The following TEK variants were observed in gnomAD, a reference collection of about 807,000 sequenced individuals.
TEK encodes the protein TEK receptor tyrosine kinase.
Under a neutral mutation model 131.8 loss-of-function variants are expected in TEK, and 43 were observed. The observed-to-expected ratio is 0.33, with a 90% CI of 0.26 to 0.42. TEK has a LOEUF of 0.42. Ranked by LOEUF, TEK falls within the 10% of genes least tolerant of loss-of-function variation. The pLI, the probability that TEK is intolerant of heterozygous loss-of-function variation, is 1.00. For missense variants in TEK, 1,162 were observed against 1,384.4 expected, an observed-to-expected ratio of 0.84 and a Z score of 2.55; for synonymous variants, 580 against 491.6, an observed-to-expected ratio of 1.18 and a Z score of -2.38.
intron 1 of TEK, among the ~76,000 whole-genome samples, chr9:27,128,016 A>G (rs1026837521): frequency 1.3e-5 from 2 of 152,162 alleles, no homozygotes; most frequent in African/African-American, 2.4e-5. Context: ...TTCTGTTGCG[A>G]TTGCTTTTGG....
rs753638156 is a variant in TEK, at chr9:27,209,102, C to T, written c.2576-19C>T. On this transcript the variant is annotated intron_variant, in intron 15 of 22. Transcript: ENST00000380036. The stretch of plus-strand genomic sequence containing the variant: ...AAGGTGTAACAAAGAAGAATCACAA[C>T]CCTTGACTTTCTTCCCAGAATATGC... 1 of 1,568,966 alleles carries T rather than the reference C, an allele frequency of 6.4e-7. No individual in the cohort carries two copies. Among genetic ancestry groups the T allele is most frequent in the South Asian group, 1.1e-5 (1 of 90,222 alleles).
At chr9:27,206,554 C>T (rs768204359) in intron 14 of TEK, 28 bp from the exon 15 acceptor site, 9 of 1,602,878 alleles carry the variant, frequency 5.6e-6, no homozygotes, top group Non-Finnish European at 7.7e-6. Flanking sequence ...AATCCTGACA[C>T]AAAATGATGA....
intron 1 of TEK, among the ~76,000 whole-genome samples, chr9:27,135,094 G>C (rs1177599300): frequency 8.2e-6 from 1 of 122,626 alleles, no homozygotes; most frequent in Non-Finnish European, 1.8e-5. Context: ...GCATGGTGGT[G>C]CATGCCTGTA....
chr9:27,170,703 G>A (rs1381320238), intron 4 of TEK, among the ~76,000 whole-genome samples: 1 of 152,112 alleles, frequency 6.6e-6, no homozygotes, highest in Non-Finnish European at 1.5e-5. Flanking sequence ...TAAGGGAGTG[G>A]GCTTTCTCTC....
chr9:27,133,323 A>G (rs17694761), intron 1 of TEK, among the ~76,000 whole-genome samples: 56,966 of 152,052 alleles, frequency 0.37, 11,435 homozygotes, highest in African/African-American at 0.43. Flanking sequence ...GGAAAGGTCT[A>G]AGAATTTCTG....
intron 18 of TEK, among the ~76,000 whole-genome samples, chr9:27,214,133 T>C (rs772037073): frequency 4.7e-5 from 7 of 150,530 alleles, no homozygotes; most frequent in Non-Finnish European, 1.0e-4. Flanking sequence ...CAGTAATATT[T>C]TATCTTTAAG....
chr9:27,213,738 A>G, intron 18 of TEK, 141 bp downstream of exon 18: 1 of 696,614 alleles, frequency 1.4e-6, no homozygotes, highest in East Asian at 2.8e-5. Flanking sequence ...TGCCCTGGGA[A>G]ACATTCTTTC....
chr9:27,173,428 C>T, intron 6 of TEK, 66 bp downstream of exon 6: 1 of 1,604,764 alleles, frequency 6.2e-7, no homozygotes, highest in Non-Finnish European at 8.5e-7. Context: ...ATCCAGTTTG[C>T]TGTCAATCAC....
intron 8 of TEK, among the ~76,000 whole-genome samples, 192 bp from the exon 9 acceptor site, chr9:27,185,293 C>T (rs927904735): frequency 3.9e-5 from 6 of 152,128 alleles, no homozygotes; most frequent in African/African-American, 9.7e-5. Flanking sequence ...GACAGGGCAT[C>T]AATCCAAAAT....
rs1007826713 is a variant in TEK, at chr9:27,117,647, T to A, written c.52+8005T>A. ...TTAGAGGAAGTACATACCCATTGCT[T>A]GGTGGTTTCATGTCTAATGTGGTAT... On this transcript the variant is annotated intron_variant, in intron 1 of 22. Coordinates refer to ENST00000380036, the MANE Select transcript of TEK (RefSeq NM_000459.5). 3.3e-5 allele frequency among the ~76,000 whole-genome samples: 5 copies of A among 152,128 alleles called. No individual in the cohort carries two copies. In the East Asian group the frequency reaches 9.6e-4, roughly 29 times the overall value.
chr9:27,203,223 G>T (rs565651746), intron 13 of TEK, 104 bp downstream of exon 13: 72 of 1,293,350 alleles, frequency 5.6e-5, no homozygotes, highest in Admixed American at 4.2e-4. Context: ...AAAAGTCGGT[G>T]GTTGAATGGA....
intron 19 of TEK, among the ~76,000 whole-genome samples, 195 bp from the exon 20 acceptor site, chr9:27,218,582 A>G (rs1825919233): frequency 6.6e-6 from 1 of 152,132 alleles, no homozygotes; most frequent in Admixed American, 6.5e-5. Flanking sequence ...CAAAGTGAAC[A>G]CTGTTTCTTT....
chr9:27,140,240 A>G (rs894748200), intron 1 of TEK, among the ~76,000 whole-genome samples: 1 of 151,964 alleles, frequency 6.6e-6, no homozygotes, highest in Non-Finnish European at 1.5e-5. Flanking sequence ...CATATGCCCC[A>G]CACTGAGCTT....
intron 1 of TEK, among the ~76,000 whole-genome samples, chr9:27,119,913 G>A (rs1821716747): frequency 6.6e-6 from 1 of 152,158 alleles, no homozygotes; most frequent in African/African-American, 2.4e-5. Flanking sequence ...GCATGTGGGT[G>A]TGGATGCACA....
chr9:27,206,547 C>G, intron 14 of TEK, 35 bp from the exon 15 acceptor site: 1 of 1,595,666 alleles, frequency 6.3e-7, no homozygotes, highest in Non-Finnish European at 8.6e-7. Flanking sequence ...TATGAAAAAT[C>G]CTGACACAAA....
intron 6 of TEK, among the ~76,000 whole-genome samples, chr9:27,179,417 C>G (rs2131162105): frequency 6.6e-6 from 1 of 152,254 alleles, no homozygotes; most frequent in African/African-American, 2.4e-5. Flanking sequence ...CTTGTCTATT[C>G]CAACATCTGA....
At chr9:27,222,779 C>T (rs1024331028) in intron 21 of TEK, among the ~76,000 whole-genome samples, 4 of 152,074 alleles carry the variant, frequency 2.6e-5, no homozygotes, top group Admixed American at 6.6e-5. Context: ...TAAAGACCAT[C>T]GACACTACAA....
Position 27,109,414 on chromosome 9 carries a change from T to G in TEK, c.-177T>G, listed in dbSNP as rs1821243284. The G allele has an allele frequency of 1.4e-6, 1 of 716,194 alleles. No individual in the cohort carries two copies. Among genetic ancestry groups the G allele is most frequent in the Non-Finnish European group, 2.5e-6 (1 of 399,148 alleles). The allele number at this position is 716,194 out of a possible 1,614,324, so 44.4% of individuals were successfully genotyped here. On this transcript the variant is annotated 5_prime_UTR_variant, in exon 1 of 23. Coordinates refer to ENST00000380036, the MANE Select transcript of TEK (RefSeq NM_000459.5). Reference sequence around the variant, plus strand: ...AAAAGGAACTTAAAACTCCCTGTGCTCAGACAGAAATGAGACTGTTACAGC... The same window carrying G: ...AAAAGGAACTTAAAACTCCCTGTGCGCAGACAGAAATGAGACTGTTACAGC...
At chr9:27,140,773 A>G (rs936748653) in intron 1 of TEK, among the ~76,000 whole-genome samples, 1 of 152,088 alleles carries the variant, frequency 6.6e-6, no homozygotes, top group African/African-American at 2.4e-5. Flanking sequence ...TGCTTTTAAC[A>G]GTTTATCCTT....
Sources: gnomAD v4.1 joint callset for allele counts (sites outside exome capture counted in the v4.1 genomes callset) on GRCh38, gnomAD v4.1.1 for gene constraint, MANE v1.5 for transcripts, NCBI Gene and HGNC (gene_info 2026-07-23, HGNC 2026-07-21) for gene names.